The following TNS3 variants were observed in gnomAD, a reference collection of about 807,000 sequenced individuals.
TNS3 encodes tensin-3.
A neutral mutation model predicts 140.9 loss-of-function variants in TNS3; 45 were observed. That is an observed-to-expected ratio of 0.32 (90% CI 0.25 to 0.41). TNS3 has a LOEUF of 0.41. TNS3 is among the 10% of genes least tolerant of loss of function. The pLI is 1.00. For synonymous variants in TNS3, 815 were observed against 788.4 expected (o/e 1.03, Z -0.56); for missense variants, 1,716 against 1,906.7 (o/e 0.90, Z 1.86).
intron 3 of TNS3, among the ~76,000 whole-genome samples, chr7:47,488,240 A>G (rs1797683168): frequency 6.6e-6 from 1 of 152,202 alleles, no homozygotes; most frequent in Admixed American, 6.5e-5. Context: ...AGGGCAGGGT[A>G]AGGAGAATAA....
intron 10 of TNS3, 135 bp from the exon 11 acceptor site, chr7:47,415,341 G>T: frequency 1.6e-6 from 1 of 619,358 alleles, no homozygotes; most frequent in East Asian, 3.1e-5. Flanking sequence ...ACAGCCAGGG[G>T]TTCTCAGCAT....
chr7:47,291,709 C>T (rs988137202), intron 27 of TNS3, among the ~76,000 whole-genome samples: 17 of 152,292 alleles, frequency 1.1e-4, no homozygotes, highest in Middle Eastern at 3.4e-3. Flanking sequence ...CAAACTAAAT[C>T]CAGGGCTTGA....
At chr7:47,399,080 GAAAAAA>G (rs55834937) in intron 15 of TNS3, among the ~76,000 whole-genome samples, 1 of 93,602 alleles carries the variant, frequency 1.1e-5, no homozygotes, top group Non-Finnish European at 2.0e-5. Context: ...TACGACAGCT[GAAAAAA>G]AAAAAAAAAA....
At chr7:47,482,486 A>C (rs1330299526) in intron 3 of TNS3, among the ~76,000 whole-genome samples, 1 of 99,478 alleles carries the variant, frequency 1.0e-5, no homozygotes, top group Non-Finnish European at 2.6e-5. Context: ...GCAAAACAAA[A>C]CAAAAACAGC....
chr7:47,399,831 G>A (rs10266922), intron 15 of TNS3, among the ~76,000 whole-genome samples: 1 of 152,050 alleles, frequency 6.6e-6, no homozygotes, highest in Non-Finnish European at 1.5e-5. Flanking sequence ...AAATGGGACC[G>A]AATTAAACTA....
intron 23 of TNS3, among the ~76,000 whole-genome samples, chr7:47,301,749 G>C (rs1356086243): frequency 6.6e-6 from 1 of 152,102 alleles, no homozygotes; most frequent in South Asian, 2.1e-4. Flanking sequence ...TGCTTATGTA[G>C]GTGTTCACAA....
In TNS3 at chr7:47,377,370, C is replaced by A. The variant is rs146506444; in HGVS notation, c.1025-7749G>T. 3.4e-4 allele frequency among the ~76,000 whole-genome samples: 52 copies of A among 152,264 alleles called. 2 individuals carry two copies. The highest frequency in any genetic ancestry group is 1.1e-3 in the African/African-American group (47 of 41,548). ...GCCAGACTCAAAGGGCTCGACTGTA[C>A]GACTCCACATAGGTGACATTCTGGG... On this transcript the variant is annotated intron_variant, in intron 16 of 30. Transcript: ENST00000311160.
chr7:47,329,443 G>A (rs933153487), intron 20 of TNS3, among the ~76,000 whole-genome samples: 10 of 152,096 alleles, frequency 6.6e-5, no homozygotes, highest in Admixed American at 2.0e-4. Context: ...GCCCCTGCAC[G>A]ACCCTGGCAC....
At chr7:47,299,773 C>T (rs957705912) in intron 23 of TNS3, among the ~76,000 whole-genome samples, 2 of 152,194 alleles carry the variant, frequency 1.3e-5, no homozygotes, top group Non-Finnish European at 2.9e-5. Flanking sequence ...GGCTGAGGAG[C>T]CTGGTGTGCT....
Position 47,450,632 on chromosome 7 carries a change from G to A in TNS3, c.-75-8577C>T, listed in dbSNP as rs372011769. ...GGTGACCATCCCTCTTCCCAGGGGG[G>A]CTCTGACCACTGGCAGAAAGCAGGT... is the stretch of plus-strand genomic sequence containing the variant. On this transcript the variant is annotated intron_variant, in intron 4 of 30. Transcript: ENST00000311160. 4.5e-4 allele frequency among the ~76,000 whole-genome samples: 68 copies of A among 152,340 alleles called. 1 individual carries two copies. The highest frequency in any genetic ancestry group is 1.5e-3 in the African/African-American group (63 of 41,582).
chr7:47,456,755 A>AT (rs781372001), intron 4 of TNS3, among the ~76,000 whole-genome samples: 2 of 152,018 alleles, frequency 1.3e-5, no homozygotes, highest in African/African-American at 2.4e-5. Flanking sequence ...CCCACGAGAC[A>AT]TTCGCTGCCC....
At chr7:47,392,098 G>A (rs185748413) in intron 16 of TNS3, among the ~76,000 whole-genome samples, 5 of 152,098 alleles carry the variant, frequency 3.3e-5, no homozygotes, top group Non-Finnish European at 5.9e-5. Flanking sequence ...TGAGGCTTCC[G>A]GCAGGCAGCC....
intron 4 of TNS3, among the ~76,000 whole-genome samples, chr7:47,452,311 T>C (rs1796050803): frequency 6.6e-6 from 1 of 152,216 alleles, no homozygotes; most frequent in Non-Finnish European, 1.5e-5. Context: ...AAGACATTTT[T>C]TTCCCTTCCA....
intron 1 of TNS3, among the ~76,000 whole-genome samples, chr7:47,536,622 G>C (rs548684662): frequency 3.3e-5 from 5 of 152,320 alleles, no homozygotes; most frequent in African/African-American, 4.8e-5. Flanking sequence ...GCCTTTTCAA[G>C]AGGCAGTTGA....
chr7:47,543,049 C>T (rs1187581350), intron 1 of TNS3, among the ~76,000 whole-genome samples: 1 of 152,184 alleles, frequency 6.6e-6, no homozygotes, highest in East Asian at 1.9e-4. Context: ...CTGGCCCTCT[C>T]TCCTTGTCCA....
intron 3 of TNS3, among the ~76,000 whole-genome samples, chr7:47,505,587 G>A (rs1798384566): frequency 6.6e-6 from 1 of 151,882 alleles, no homozygotes; most frequent in Non-Finnish European, 1.5e-5. Flanking sequence ...CTGGGGTTCA[G>A]GAAGGGGGCA....
intron 15 of TNS3, 149 bp downstream of exon 15, chr7:47,400,244 T>A (rs1177107655): frequency 1.4e-6 from 1 of 711,322 alleles, no homozygotes; most frequent in African/African-American, 1.8e-5. Context: ...TGTTCCACTA[T>A]CCAATATCCT....
At chr7:47,323,757 T>C (rs977117632) in intron 20 of TNS3, among the ~76,000 whole-genome samples, 1 of 152,130 alleles carries the variant, frequency 6.6e-6, no homozygotes. Flanking sequence ...ATAATACAAG[T>C]AGCCATAAAT....
chr7:47,581,225 C>G (rs1410035207), intron 1 of TNS3, among the ~76,000 whole-genome samples: 1 of 152,068 alleles, frequency 6.6e-6, no homozygotes, highest in African/African-American at 2.4e-5. Flanking sequence ...ACCCCTGGGC[C>G]GTCCGGGACC....
Sources: gnomAD v4.1 joint callset for allele counts (sites outside exome capture counted in the v4.1 genomes callset) on GRCh38, gnomAD v4.1.1 for gene constraint, MANE v1.5 for transcripts, NCBI Gene and HGNC (gene_info 2026-07-23, HGNC 2026-07-21) for gene names.